The following KIAA1210 variants were observed in gnomAD, a reference collection of about 807,000 sequenced individuals.
KIAA1210 encodes KIAA1210, also known as acrosomal protein KIAA1210.
A neutral mutation model predicts 78.9 loss-of-function variants in KIAA1210; 48 were observed. The observed-to-expected ratio is 0.61, with a 90% CI of 0.48 to 0.77. The LOEUF (loss-of-function observed/expected upper bound fraction) is 0.77, where lower values mean the gene tolerates loss of function less well. Ranked by LOEUF, KIAA1210 falls within the 30% of genes least tolerant of loss-of-function variation. The probability of loss-of-function intolerance (pLI) is 0.00; values close to 1 mark genes in which losing one functional copy is unlikely to be tolerated. For missense variants in KIAA1210, 1,108 were observed against 1,100.0 expected (o/e 1.01, Z -0.10); for synonymous variants, 406 against 404.5 (o/e 1.00, Z -0.04).
At chrX:119,115,245 C>G (rs765415539) in intron 3 of KIAA1210, among the ~76,000 whole-genome samples, 3 of 110,708 alleles carry the variant, frequency 2.7e-5, no homozygotes, top group Admixed American at 9.6e-5. Context: ...TTCTCTCTCT[C>G]TCTCTCTCTC....
chrX:119,088,472 T>C lies in KIAA1210; in HGVS notation c.2230A>G (p.Asn744Asp). 8.3e-7 allele frequency: 1 copy of C among 1,211,200 alleles called. No homozygotes were observed. ...PSRCPSQPIM[N>D]PTVQQQVPTS... ...GGGACTTGTTGCTGAACAGTAGGAT[T>C]CATAATGGGCTGAGAAGGGCATCTG... is the stretch of plus-strand genomic sequence containing the variant. The change falls in exon 9 of 12, where the codon AAT becomes GAT. Residue 744 changes from asparagine (N) to aspartate (D), a missense_variant. Physicochemically the swap from Asn to Asp is conservative, Grantham distance 23. Coordinates refer to ENST00000691062, the MANE Select transcript of KIAA1210 (RefSeq NM_001394962.1).
At chrX:119,120,440 T>C (rs1928419278) in intron 2 of KIAA1210, among the ~76,000 whole-genome samples, 1 of 112,166 alleles carries the variant, frequency 8.9e-6, no homozygotes, top group Non-Finnish European at 1.9e-5. Flanking sequence ...CAGCAGCTAA[T>C]AGCCATTTGT....
chrX:119,133,102 T>G (rs1365938758), intron 2 of KIAA1210, among the ~76,000 whole-genome samples: 1 of 111,425 alleles, frequency 9.0e-6, no homozygotes, highest in African/African-American at 3.3e-5. Flanking sequence ...GCCAACTCAT[T>G]GAGGAACGAG....
intron 9 of KIAA1210, 99 bp from the exon 10 acceptor site, chrX:119,085,645 G>T: frequency 1.3e-6 from 1 of 772,130 alleles, no homozygotes; most frequent in Non-Finnish European, 1.8e-6. Flanking sequence ...TGGGACCCTT[G>T]TTAATTGCCA....
At chrX:119,092,575 C>T (rs956902026) in intron 8 of KIAA1210, among the ~76,000 whole-genome samples, 50 of 110,484 alleles carry the variant, frequency 4.5e-4, no homozygotes, top group African/African-American at 1.5e-3. Context: ...TCCTGGCTAA[C>T]ACGGTGAAAC....
Position 119,150,391 on chromosome X carries a change from C to CT in KIAA1210, c.188dup (p.Glu65GlyfsTer9). On this transcript the variant is annotated frameshift_variant, in exon 1 of 14. Transcript: ENST00000402510. LOFTEE classifies it high-confidence loss of function. ...TCACTGCAGCTGGGCCAAGCTCCCC[C>CT]TTGGTGCTTCCCTCCTTCTTGCCTT... 8.3e-7 allele frequency: 1 copy of CT among 1,211,158 alleles called. No individual in the cohort carries two copies. Among genetic ancestry groups the CT allele is most frequent in the Non-Finnish European group, 1.1e-6 (1 of 895,115 alleles).
intron 1 of KIAA1210, among the ~76,000 whole-genome samples, chrX:119,124,375 A>T (rs1424594487): frequency 8.9e-6 from 1 of 112,422 alleles, no homozygotes; most frequent in East Asian, 2.8e-4. Context: ...AAACCATTGA[A>T]TTGTATACTT....
Position 119,125,451 on chromosome X carries a change from A to G in KIAA1210, c.-10-1799T>C, listed in dbSNP as rs1031257888. On this transcript the variant is annotated intron_variant, in intron 1 of 11. Coordinates refer to ENST00000691062, the MANE Select transcript of KIAA1210 (RefSeq NM_001394962.1). ...CAATAGTTAAAAACGGGAAACAACCAAAGTGATCATGAAAAGGATAGTTCT... is the reference window on the plus strand; with the variant it reads ...CAATAGTTAAAAACGGGAAACAACCGAAGTGATCATGAAAAGGATAGTTCT... 2.8e-5 allele frequency among the ~76,000 whole-genome samples: 3 copies of G among 108,681 alleles called. No individual in the cohort carries two copies. In the East Asian group the frequency reaches 8.8e-4, roughly 32 times the overall value. 94.4% of individuals were successfully genotyped at this position (108,681 alleles called of 115,157 possible). A position where few individuals can be genotyped will look rare whatever the true frequency, so the allele number is the denominator to read the frequency against.
At chrX:119,121,837 C>T (rs780697176) in intron 2 of KIAA1210, among the ~76,000 whole-genome samples, 1 of 109,660 alleles carries the variant, frequency 9.1e-6, no homozygotes, top group East Asian at 2.9e-4. Flanking sequence ...GATGCAATCT[C>T]GGCTCACTGC....
chrX:119,088,252 G>C lies in KIAA1210; in HGVS notation c.2450C>G (p.Pro817Arg). The C allele has an allele frequency of 8.3e-7, 1 of 1,211,511 alleles. No individual in the cohort carries two copies. The highest frequency in any genetic ancestry group is 1.1e-6 in the Non-Finnish European group (1 of 895,326). Residue 817 changes from proline to arginine, a missense_variant, in exon 9 of 12, where the codon CCT becomes CGT. By Grantham distance (103) the Pro-to-Arg change is moderately radical. Around this residue, in one of 5 missense-constraint regions of KIAA1210, gnomAD observed 672 missense variants for 607.1 expected, o/e 1.11. Transcript: ENST00000691062. ...TGAGAACATGTTTTGTTGAACTTTA[G>C]GATTCATCAAGGGCTGGCAAAGAAG... is the stretch of plus-strand genomic sequence containing the variant. The part of the protein sequence containing the change: ...PKLLCQPLMN[P>R]KVQQNMFSGS...
intron 6 of KIAA1210, among the ~76,000 whole-genome samples, chrX:119,099,911 C>T (rs777088186): frequency 8.1e-5 from 9 of 111,615 alleles, no homozygotes; most frequent in Non-Finnish European, 1.9e-5. Context: ...AATATGAGTA[C>T]AGCAAGTTCA....
chrX:119,080,382 G>A lies in KIAA1210; in HGVS notation c.*947C>T, dbSNP rs1278617572. The A allele has an allele frequency of 3.6e-5, 4 of 111,747 alleles. No individual in the cohort carries two copies. Among genetic ancestry groups the A allele is most frequent in the African/African-American group, 1.3e-4 (4 of 30,670 alleles). 9.2% of individuals were successfully genotyped at this position (111,747 alleles called of 1,213,427 possible). On this transcript the variant is annotated 3_prime_UTR_variant, in exon 12 of 12. Transcript: ENST00000691062. Reference sequence around the variant, plus strand: ...CATCAGGGGCCCCCAGGGACACAGGGAAGATGTTTCAAGGGGTGATAGGCT... The same window carrying A: ...CATCAGGGGCCCCCAGGGACACAGGAAAGATGTTTCAAGGGGTGATAGGCT...
chrX:119,149,604 T>C (rs1929245461), intron 1 of KIAA1210, among the ~76,000 whole-genome samples: 1 of 111,923 alleles, frequency 8.9e-6, no homozygotes, highest in African/African-American at 3.2e-5. Context: ...ACCCACTAAT[T>C]AACCATATGA....
intron 2 of KIAA1210, among the ~76,000 whole-genome samples, chrX:119,135,179 C>T (rs1002317927): frequency 8.1e-5 from 9 of 111,742 alleles, no homozygotes; most frequent in African/African-American, 2.6e-4. Context: ...CATGATTCGA[C>T]CACTACACTC....
intron 6 of KIAA1210, among the ~76,000 whole-genome samples, chrX:119,103,015 CA>C (rs1257868560): frequency 9.0e-6 from 1 of 111,641 alleles, no homozygotes; most frequent in Non-Finnish European, 1.9e-5. Context: ...ATCAAAGACT[CA>C]AAAAAATGCA....
At chrX:119,091,717 A>G (rs1390571539) in intron 8 of KIAA1210, among the ~76,000 whole-genome samples, 1 of 111,912 alleles carries the variant, frequency 8.9e-6, no homozygotes, top group Non-Finnish European at 1.9e-5. Context: ...CACTTTCATG[A>G]TATGGAAAAT....
At chrX:119,134,276 G>A (rs761568114) in intron 2 of KIAA1210, among the ~76,000 whole-genome samples, 16 of 111,846 alleles carry the variant, frequency 1.4e-4, no homozygotes, top group African/African-American at 4.5e-4. Context: ...CATCCTCCAG[G>A]CTCATTCACA....
Position 119,109,270 on chromosome X carries a change from T to G in KIAA1210, c.231-68A>C, listed in dbSNP as rs7886141. ...ATGGGAACTGAAGACAAATGTATAT[T>G]CATAATATGGCCTACCATAGATACC... is the stretch of plus-strand genomic sequence containing the variant. On this transcript the variant is annotated intron_variant, in intron 3 of 11. Coordinates refer to ENST00000691062, the MANE Select transcript of KIAA1210 (RefSeq NM_001394962.1). The G allele has an allele frequency of 3.7e-3, 3,868 of 1,032,707 alleles. 76 individuals carry two copies. In the African/African-American group the frequency reaches 0.06, roughly 16 times the overall value. 85.1% of individuals were successfully genotyped at this position (1,032,707 alleles called of 1,213,427 possible). A position where few individuals can be genotyped will look rare whatever the true frequency, so the allele number is the denominator to read the frequency against.
At chrX:119,100,328 T>A (rs1297706045) in intron 6 of KIAA1210, among the ~76,000 whole-genome samples, 2 of 46,533 alleles carry the variant, frequency 4.3e-5, no homozygotes, top group Non-Finnish European at 7.0e-5. Context: ...AGACTGTCTT[T>A]AAAAAAAAAA....
Sources: allele counts gnomAD v4.1 joint callset (sites outside exome capture counted in the v4.1 genomes callset), GRCh38; gene constraint gnomAD v4.1.1; regional missense constraint gnomAD v4.1.1; transcripts MANE v1.5; gene names NCBI Gene and HGNC (gene_info 2026-07-23, HGNC 2026-07-21).